The following HEPH variants were observed in gnomAD, a reference collection of about 807,000 sequenced individuals.
HEPH encodes hephaestin.
HEPH carries 69 observed loss-of-function variants against 80.8 expected under a neutral mutation model. The ratio of observed to expected loss-of-function variants is 0.85; its 90% CI spans 0.70 to 1.04. HEPH has a LOEUF of 1.04. HEPH is among the 50% of genes least tolerant of loss of function. The pLI, the probability that HEPH is intolerant of heterozygous loss-of-function variation, is 0.00. For missense variants in HEPH, 1,115 were observed against 891.3 expected, an observed-to-expected ratio of 1.25 and a Z score of -3.20; for synonymous variants, 431 against 322.8, an observed-to-expected ratio of 1.34 and a Z score of -3.60.
rs1349322604 is a variant in HEPH, at chrX:66,188,349, C to T, written c.626-10C>T. On this transcript the variant is annotated splice_polypyrimidine_tract_variant and intron_variant, in intron 4 of 20. Transcript: ENST00000343002. ...GATCTTCTCAAGGGAAACTGTCTTA[C>T]TTGCCCTAGGAGCCCTGGATGGGAA... The T allele has an allele frequency of 2.6e-6, 3 of 1,167,381 alleles. No individual in the cohort carries two copies. Among genetic ancestry groups the T allele is most frequent in the Admixed American group, 5.0e-5 (2 of 39,844 alleles).
At chrX:66,259,711 CTTT>C (rs11348677) in intron 18 of HEPH, among the ~76,000 whole-genome samples, 1 of 94,331 alleles carries the variant, frequency 1.1e-5, no homozygotes. Context: ...ATAAAGTGGA[CTTT>C]TTTTTTTTTT....
chrX:66,252,051 A>G (rs919191933), intron 15 of HEPH, among the ~76,000 whole-genome samples: 4 of 111,719 alleles, frequency 3.6e-5, no homozygotes, highest in Admixed American at 9.6e-5. Flanking sequence ...AATAGCGCAG[A>G]CTATGGTGGT....
intron 6 of HEPH, among the ~76,000 whole-genome samples, chrX:66,191,725 G>C (rs917451255): frequency 1.8e-5 from 2 of 111,795 alleles, no homozygotes; most frequent in African/African-American, 6.5e-5. Context: ...CCCATGAGGT[G>C]GATTTTCCTA....
At chrX:66,268,103 T>A (rs1602601996), downstream of HEPH, 1 of 112,279 alleles carries the variant, frequency 8.9e-6, no homozygotes, top group East Asian at 2.8e-4. Flanking sequence ...ATTAAGTAAC[T>A]TCATCCAAGA....
At chrX:66,206,868 G>C (rs1602339927) in intron 13 of HEPH, among the ~76,000 whole-genome samples, 1 of 109,131 alleles carries the variant, frequency 9.2e-6, no homozygotes, top group Non-Finnish European at 1.9e-5. Flanking sequence ...AATACAAAAA[G>C]TAGCCGGGCG....
At chrX:66,200,205 A>T (rs1569323417) in intron 11 of HEPH, among the ~76,000 whole-genome samples, 1 of 104,395 alleles carries the variant, frequency 9.6e-6, no homozygotes, top group Middle Eastern at 4.8e-3. Context: ...GAAACCAAGG[A>T]AGGAGAGTTT....
chrX:66,228,188 T>C (rs554178001), intron 15 of HEPH, among the ~76,000 whole-genome samples: 2 of 111,749 alleles, frequency 1.8e-5, no homozygotes, highest in African/African-American at 6.5e-5. Context: ...CAAAAGGGGT[T>C]TCCTCTTATA....
chrX:66,196,721 A>G (rs1406165624), intron 9 of HEPH, among the ~76,000 whole-genome samples: 1 of 111,853 alleles, frequency 8.9e-6, no homozygotes, highest in Non-Finnish European at 1.9e-5. Flanking sequence ...AATCTTTTTA[A>G]TCTTGTCAAA....
intron 15 of HEPH, among the ~76,000 whole-genome samples, chrX:66,212,186 GTT>G (rs34500733): frequency 0.2 from 19,198 of 93,761 alleles, 2,179 homozygotes; most frequent in African/African-American, 0.41. Flanking sequence ...TTTTTAATGT[GTT>G]TTTTTTTTTT....
chrX:66,234,672 T>C (rs145255717), intron 15 of HEPH, among the ~76,000 whole-genome samples: 2,199 of 109,980 alleles, frequency 0.02, 38 homozygotes, highest in Non-Finnish European at 0.034. Flanking sequence ...AGTCTTGCTC[T>C]GTTGCCCATG....
At chrX:66,263,464 T>C (rs887393734) in intron 19 of HEPH, among the ~76,000 whole-genome samples, 180 bp from the exon 20 acceptor site, 3 of 112,135 alleles carry the variant, frequency 2.7e-5, no homozygotes, top group Non-Finnish European at 5.6e-5. Flanking sequence ...CATGTCACTG[T>C]TCAAAATCAA....
In HEPH at chrX:66,188,515, C is replaced by T. The variant is rs2087609461; in HGVS notation, c.782C>T (p.Thr261Ile). 1.7e-6 allele frequency: 2 copies of T among 1,209,473 alleles called. No individual in the cohort carries two copies. The highest frequency in any genetic ancestry group is 1.1e-6 in the Non-Finnish European group (1 of 894,472). The part of the protein sequence containing the change: ...DPASVDKEDE[T>I]FQESNRMHAI... ...GCTTCAGTGGACAAAGAAGATGAGA[C>T]ATTTCAGGAGAGCAATAGGATGCAT... The change falls in exon 5 of 21, where the codon ACA becomes ATA. Residue 261 changes from threonine (T) to isoleucine (I), a missense_variant. Physicochemically the swap from Thr to Ile is moderately conservative, Grantham distance 89. This residue lies in a region of HEPH where 391 missense variants were observed against 343.6 expected (regional missense o/e 1.14). Coordinates refer to ENST00000343002, the MANE Select transcript of HEPH (RefSeq NM_001367233.3).
Position 66,266,496 on chromosome X carries a change from C to T in HEPH, c.3301C>T (p.Pro1101Ser). The T allele has an allele frequency of 8.3e-7, 1 of 1,209,974 alleles. No individual in the cohort carries two copies. The stretch of plus-strand genomic sequence containing the variant: ...TGTGAAGATGCTGGGCATGCAGATC[C>T]CCATAAAGAATGTTGAGATGCTGGC... ...GNVKMLGMQI[P>S]IKNVEMLASV... Residue 1101 changes from proline to serine, a missense_variant, in exon 21 of 21, where the codon CCC (proline) becomes TCC (serine). This residue lies in a region of HEPH where 716 missense variants were observed against 523.5 expected (regional missense o/e 1.37). Transcript: ENST00000343002.
chrX:66,200,880 C>A, intron 12 of HEPH, 128 bp downstream of exon 12: 1 of 505,277 alleles, frequency 2.0e-6, no homozygotes, highest in Non-Finnish European at 3.3e-6. Context: ...TTTTTAAAAA[C>A]ACTTGTCTTT....
chrX:66,226,750 G>T (rs2089907214), intron 15 of HEPH, among the ~76,000 whole-genome samples: 1 of 111,385 alleles, frequency 9.0e-6, no homozygotes, highest in Non-Finnish European at 1.9e-5. Flanking sequence ...GAAAGAAATA[G>T]AAACCTGTAC....
intron 5 of HEPH, among the ~76,000 whole-genome samples, chrX:66,189,282 A>G: frequency 8.9e-6 from 1 of 112,445 alleles, no homozygotes; most frequent in African/African-American, 3.2e-5. Flanking sequence ...AAGCCATGTT[A>G]ATTAGTCAGC....
chrX:66,248,040 T>C (rs1456953418), intron 15 of HEPH, among the ~76,000 whole-genome samples: 1 of 111,001 alleles, frequency 9.0e-6, no homozygotes, highest in African/African-American at 3.3e-5. Context: ...TAAATATTAA[T>C]TCCTATCATT....
At chrX:66,263,341 A>G (rs946596992) in intron 19 of HEPH, among the ~76,000 whole-genome samples, 4 of 111,230 alleles carry the variant, frequency 3.6e-5, no homozygotes, top group Non-Finnish European at 5.7e-5. Context: ...AGTGTGGCAA[A>G]TGGTTGGAAA....
At chrX:66,207,972 A>G (rs2088883060) in intron 14 of HEPH, 143 bp from the exon 15 acceptor site, 1 of 417,302 alleles carries the variant, frequency 2.4e-6, no homozygotes, top group Non-Finnish European at 4.0e-6. Flanking sequence ...GGAGCCAGCC[A>G]TGCCTTCTAG....
Sources: gnomAD v4.1 joint callset for allele counts (sites outside exome capture counted in the v4.1 genomes callset) on GRCh38, gnomAD v4.1.1 for gene constraint, gnomAD v4.1.1 regional missense constraint, MANE v1.5 for transcripts, NCBI Gene and HGNC (gene_info 2026-07-23, HGNC 2026-07-21) for gene names.